GOLIM4: variants seen among roughly 807,000 people sequenced by gnomAD.
GOLIM4 encodes the protein golgi integral membrane protein 4.
In GOLIM4, 71 loss-of-function variants were observed where a neutral mutation model predicts 107.4. The ratio of observed to expected loss-of-function variants is 0.66; its 90% CI spans 0.55 to 0.81. The LOEUF (loss-of-function observed/expected upper bound fraction) is 0.81, where lower values mean the gene tolerates loss of function less well. GOLIM4 is among the 30% of genes least tolerant of loss of function. GOLIM4 has a pLI of 0.00. For synonymous variants in GOLIM4, 327 were observed against 294.8 expected (o/e 1.11, Z -1.12); for missense variants, 830 against 826.1 (o/e 1.00, Z -0.06).
At chr3:168,094,113 G>C (rs2108300762) in intron 1 of GOLIM4, among the ~76,000 whole-genome samples, 1 of 152,202 alleles carries the variant, frequency 6.6e-6, no homozygotes, top group African/African-American at 2.4e-5. Context: ...ACAAGTAAAA[G>C]CTTGCAAAAA....
At chr3:168,015,836 A>C (rs1297319355) in intron 14 of GOLIM4, among the ~76,000 whole-genome samples, 1 of 132,668 alleles carries the variant, frequency 7.5e-6, no homozygotes, top group Non-Finnish European at 1.5e-5. Flanking sequence ...CTGGCTAGCC[A>C]TATGTAGAAA....
chr3:168,076,335 TTGTTC>T (rs1721082608), intron 1 of GOLIM4, among the ~76,000 whole-genome samples: 1 of 152,234 alleles, frequency 6.6e-6, no homozygotes, highest in Non-Finnish European at 1.5e-5. Context: ...ATGCTCTAAC[TTGTTC>T]TGTTTTTTGT....
At chr3:168,027,899 T>C in intron 11 of GOLIM4, 62 bp from the exon 12 acceptor site, 1 of 1,106,006 alleles carries the variant, frequency 9.0e-7, no homozygotes, top group South Asian at 1.3e-5. Flanking sequence ...CCCTTTCAAC[T>C]CAAAGAAAAG....
At chr3:168,040,245 G>A (rs900406007) in intron 7 of GOLIM4, among the ~76,000 whole-genome samples, 1 of 152,126 alleles carries the variant, frequency 6.6e-6, no homozygotes, top group Non-Finnish European at 1.5e-5. Context: ...CTTGTGCCAG[G>A]AGCTGTTCTA....
intron 1 of GOLIM4, among the ~76,000 whole-genome samples, chr3:168,076,069 C>CA (rs553201164): frequency 5.8e-4 from 88 of 152,248 alleles, no homozygotes; most frequent in African/African-American, 2.0e-3. Context: ...TGCTTACAAT[C>CA]AGATACATTC....
Position 168,029,231 on chromosome 3 carries a change from T to A in GOLIM4, c.1505A>T (p.Glu502Val), listed in dbSNP as rs115779560. 3 of 1,599,122 alleles carry A rather than the reference T, an allele frequency of 1.9e-6. No individual in the cohort carries two copies. Among genetic ancestry groups the A allele is most frequent in the East Asian group, 2.2e-5 (1 of 44,736 alleles). ...CTAGGAAGTCTCACCACCTCCTTCC[T>A]CTCCTTGGATTCCCTGGTCCTCTGC... ...QGAEDQGIQG[E>V]EGAYERDNQH... The change falls in exon 11 of 16, where the codon GAG becomes GTG. Residue 502 changes from glutamate to valine, a missense_variant. Coordinates refer to ENST00000470487, the MANE Select transcript of GOLIM4 (RefSeq NM_014498.5).
At chr3:168,032,426 T>C (rs1257565949) in intron 9 of GOLIM4, 94 bp downstream of exon 9, 2 of 876,498 alleles carry the variant, frequency 2.3e-6, no homozygotes, top group Non-Finnish European at 3.7e-6. Flanking sequence ...CTCACATTTC[T>C]ATTTTAGAGA....
chr3:168,047,628 T>C (rs966720831), intron 2 of GOLIM4, among the ~76,000 whole-genome samples: 3 of 152,168 alleles, frequency 2.0e-5, no homozygotes, highest in African/African-American at 7.2e-5. Context: ...AACACGTAAT[T>C]TAAATTTCAA....
chr3:168,029,739 A>T, intron 10 of GOLIM4, 41 bp downstream of exon 10: 4 of 1,602,240 alleles, frequency 2.5e-6, no homozygotes, highest in Non-Finnish European at 3.4e-6. Flanking sequence ...TGAAAACTGG[A>T]GCAGGGGCTG....
intron 11 of GOLIM4, 76 bp downstream of exon 11, chr3:168,029,146 TA>T: frequency 1.1e-6 from 1 of 933,906 alleles, no homozygotes. Context: ...TGATGTTATA[TA>T]ATATTGGCTC....
In GOLIM4 at chr3:168,025,066, T is replaced by C. The variant is rs1717921809; in HGVS notation, c.1653A>G (p.Ala551=). ...CCTCACCTTGATTATTAGGGTCATCTGCTGGGTTTATATCTTCTACAGCTG... is the reference window on the plus strand; with the variant it reads ...CCTCACCTTGATTATTAGGGTCATCCGCTGGGTTTATATCTTCTACAGCTG... The part of the protein sequence containing the change: ...DRAAVEDINP[A]DDPNNQGEDE... The change falls in exon 13 of 16, where the codon GCA becomes GCG. Residue 551 remains alanine, a synonymous_variant. Coordinates refer to ENST00000470487, the MANE Select transcript of GOLIM4 (RefSeq NM_014498.5). 3 of 1,613,948 alleles carry C rather than the reference T, an allele frequency of 1.9e-6. No homozygotes were observed. Among genetic ancestry groups the C allele is most frequent in the Non-Finnish European group, 2.5e-6 (3 of 1,179,874 alleles).
intron 8 of GOLIM4, among the ~76,000 whole-genome samples, chr3:168,036,568 C>T (rs2108237101): frequency 6.6e-6 from 1 of 152,078 alleles, no homozygotes; most frequent in East Asian, 1.9e-4. Context: ...AAAATACTAG[C>T]AGCAGTTCTC....
chr3:168,074,631 TCA>T (rs1720982087), intron 1 of GOLIM4, among the ~76,000 whole-genome samples: 1 of 152,124 alleles, frequency 6.6e-6, no homozygotes, highest in African/African-American at 2.4e-5. Flanking sequence ...TTACAAAGAA[TCA>T]TCTTTGTAAC....
At chr3:168,074,815 C>G (rs1243078546) in intron 1 of GOLIM4, among the ~76,000 whole-genome samples, 4 of 151,990 alleles carry the variant, frequency 2.6e-5, no homozygotes, top group Non-Finnish European at 5.9e-5. Context: ...ACAGTAAACA[C>G]AATTATATGA....
At chr3:168,069,129 G>A (rs753377404) in intron 1 of GOLIM4, among the ~76,000 whole-genome samples, 10 of 151,998 alleles carry the variant, frequency 6.6e-5, no homozygotes, top group Admixed American at 1.3e-4. Flanking sequence ...CACCATGCCC[G>A]GCCTGCACTT....
intron 1 of GOLIM4, among the ~76,000 whole-genome samples, chr3:168,054,883 C>G (rs1719858556): frequency 6.6e-6 from 1 of 152,010 alleles, no homozygotes; most frequent in African/African-American, 2.4e-5. Flanking sequence ...CTGTACTGTT[C>G]TCATGAGAGT....
rs1005496963 is a variant in GOLIM4, at chr3:168,085,890, G to A, written c.187+9209C>T. Among the ~76,000 whole-genome samples, 11 of 151,956 alleles carry A rather than the reference G, an allele frequency of 7.2e-5. 1 individual carries two copies. The highest frequency in any genetic ancestry group is 1.5e-4 in the African/African-American group (6 of 41,342). On this transcript the variant is annotated intron_variant, in intron 1 of 15. Transcript: ENST00000470487. ...CCTACCACCATATGTTGGCTGTGTTGAGGGCAGGTAATTTGACTCTGGTTT... is the reference window on the plus strand; with the variant it reads ...CCTACCACCATATGTTGGCTGTGTTAAGGGCAGGTAATTTGACTCTGGTTT...
At chr3:168,066,601 GA>G (rs1281100423) in intron 1 of GOLIM4, among the ~76,000 whole-genome samples, 1 of 151,868 alleles carries the variant, frequency 6.6e-6, no homozygotes, top group Non-Finnish European at 1.5e-5. Flanking sequence ...CATATATTCA[GA>G]AAAAAAGTGT....
At chr3:168,030,073 T>A in intron 9 of GOLIM4, 37 bp from the exon 10 acceptor site, 2 of 1,596,828 alleles carry the variant, frequency 1.3e-6, no homozygotes, top group Non-Finnish European at 1.7e-6. Context: ...GCAAGAGGGG[T>A]TAGCTCCTCT....
Sources: gnomAD v4.1 joint callset for allele counts (sites outside exome capture counted in the v4.1 genomes callset) on GRCh38, gnomAD v4.1.1 for gene constraint, MANE v1.5 for transcripts, NCBI Gene and HGNC (gene_info 2026-07-23, HGNC 2026-07-21) for gene names.